PHACTR1: variants seen among roughly 807,000 people sequenced by gnomAD.
PHACTR1 encodes the protein RPEL repeat containing 1.
In PHACTR1, 16 loss-of-function variants were observed where a neutral mutation model predicts 69.2. The observed-to-expected ratio is 0.23, with a 90% CI of 0.16 to 0.35. PHACTR1 has a LOEUF of 0.35. Among genes scored for constraint, PHACTR1 ranks in the 10% least tolerant of loss-of-function variants. PHACTR1 has a pLI of 1.00. For synonymous variants in PHACTR1, 312 were observed against 284.5 expected (o/e 1.10, Z -0.97); for missense variants, 510 against 734.7 (o/e 0.69, Z 3.54).
chr6:13,184,247 C>G (rs1175283275), intron 7 of PHACTR1, among the ~76,000 whole-genome samples: 1 of 152,184 alleles, frequency 6.6e-6, no homozygotes, highest in Admixed American at 6.5e-5. Context: ...AGGCTGTCAT[C>G]TGTACCCAGT....
chr6:12,756,506 T>C (rs1289799221), intron 4 of PHACTR1, among the ~76,000 whole-genome samples: 1 of 152,220 alleles, frequency 6.6e-6, no homozygotes, highest in African/African-American at 2.4e-5. Context: ...ATGGCCTTGT[T>C]GAATGATGAC....
At chr6:13,036,377 A>G (rs1277321697) in intron 4 of PHACTR1, among the ~76,000 whole-genome samples, 2 of 152,224 alleles carry the variant, frequency 1.3e-5, no homozygotes, top group African/African-American at 4.8e-5. Context: ...AGAGCTGTTT[A>G]TAATTTTTAA....
chr6:13,177,436 T>TAC (rs1315813671), intron 6 of PHACTR1, among the ~76,000 whole-genome samples: 2 of 5,326 alleles, frequency 3.8e-4, no homozygotes, highest in African/African-American at 9.8e-4. Flanking sequence ...TATGTATGTG[T>TAC]ATATATGTGT....
At chr6:12,906,821 G>A (rs555292107) in intron 4 of PHACTR1, among the ~76,000 whole-genome samples, 5 of 152,188 alleles carry the variant, frequency 3.3e-5, no homozygotes, top group South Asian at 4.1e-4. Flanking sequence ...GTTGGGTCAC[G>A]TGTCCACTCT....
intron 12 of PHACTR1, chr6:13,280,830 A>G: frequency 1.7e-6 from 1 of 582,614 alleles, no homozygotes; most frequent in Non-Finnish European, 2.7e-6. Context: ...TGCAGCATTC[A>G]AGGAAGGACT....
chr6:13,217,042 A>C (rs1044857611), intron 8 of PHACTR1, among the ~76,000 whole-genome samples: 1 of 152,298 alleles, frequency 6.6e-6, no homozygotes, highest in South Asian at 2.1e-4. Flanking sequence ...CTTCTTGGAA[A>C]CCATCGTCCA....
intron 5 of PHACTR1, among the ~76,000 whole-genome samples, chr6:13,140,728 A>T (rs1822305921): frequency 6.6e-6 from 1 of 152,242 alleles, no homozygotes; most frequent in South Asian, 2.1e-4. Context: ...ATGTGAATCT[A>T]TTTAACACTG....
Position 13,139,623 on chromosome 6 carries a change from A to G in PHACTR1, c.416-20581A>G, listed in dbSNP as rs868143311. Among the ~76,000 whole-genome samples the G allele has an allele frequency of 2.0e-5, 3 of 152,326 alleles. No homozygotes were observed. In the South Asian group the frequency reaches 6.2e-4, roughly 32 times the overall value. On this transcript the variant is annotated intron_variant, in intron 5 of 14. Transcript: ENST00000332995. The stretch of plus-strand genomic sequence containing the variant: ...AAAGACAGAGGTCAAGTCAAGTTAC[A>G]TACCAAGCTAAGCTAAGCAGGTTTC...
intron 4 of PHACTR1, among the ~76,000 whole-genome samples, chr6:12,861,536 C>T (rs1323377113): frequency 6.6e-6 from 1 of 152,208 alleles, no homozygotes; most frequent in Non-Finnish European, 1.5e-5. Context: ...GACTTCCCAT[C>T]ACTGTATTGC....
At chr6:12,999,785 C>T (rs752350948) in intron 4 of PHACTR1, among the ~76,000 whole-genome samples, 3 of 152,070 alleles carry the variant, frequency 2.0e-5, no homozygotes, top group African/African-American at 7.2e-5. Context: ...GGGTAGTAGT[C>T]GCCTCCAGGA....
intron 2 of PHACTR1, 187 bp from the exon 3 acceptor site, chr6:12,718,512 G>A: frequency 3.5e-6 from 1 of 284,822 alleles, no homozygotes; most frequent in Non-Finnish European, 6.5e-6. Flanking sequence ...ATGAATGTTG[G>A]CTAAATGCGG....
intron 4 of PHACTR1, among the ~76,000 whole-genome samples, chr6:12,796,863 A>T (rs1480087109): frequency 6.6e-6 from 1 of 152,220 alleles, no homozygotes; most frequent in Non-Finnish European, 1.5e-5. Context: ...GTGTGCTGAC[A>T]CTGAAGAGCA....
intron 8 of PHACTR1, among the ~76,000 whole-genome samples, chr6:13,223,124 A>C: frequency 6.6e-6 from 1 of 152,232 alleles, no homozygotes; most frequent in East Asian, 1.9e-4. Context: ...GGATGAGGTT[A>C]CAATAGTGTT....
chr6:12,887,184 C>A (rs1783725678), intron 4 of PHACTR1, among the ~76,000 whole-genome samples: 1 of 152,220 alleles, frequency 6.6e-6, no homozygotes, highest in African/African-American at 2.4e-5. Context: ...AGAATCAAGG[C>A]CCCTTCCTGT....
chr6:13,106,620 G>A (rs928673829), intron 5 of PHACTR1, among the ~76,000 whole-genome samples: 3 of 152,254 alleles, frequency 2.0e-5, no homozygotes, highest in Middle Eastern at 6.8e-3. Flanking sequence ...TGGGACTACA[G>A]GCATGTACCA....
chr6:13,181,777 A>C (rs900221931), intron 6 of PHACTR1, among the ~76,000 whole-genome samples: 9 of 152,202 alleles, frequency 5.9e-5, no homozygotes, highest in African/African-American at 2.2e-4. Flanking sequence ...GGCAAACAGA[A>C]GACAGGACCT....
At chr6:12,891,613 C>T (rs1784177742) in intron 4 of PHACTR1, among the ~76,000 whole-genome samples, 1 of 152,170 alleles carries the variant, frequency 6.6e-6, no homozygotes, top group Admixed American at 6.5e-5. Context: ...TTATGATCCC[C>T]CTCCTCCTCT....
chr6:12,987,989 C>T (rs1796386699), intron 4 of PHACTR1, among the ~76,000 whole-genome samples: 1 of 152,146 alleles, frequency 6.6e-6, no homozygotes, highest in African/African-American at 2.4e-5. Context: ...TGCTGGGGCC[C>T]CTTGGCAGCC....
intron 7 of PHACTR1, among the ~76,000 whole-genome samples, chr6:13,184,634 G>A (rs1316775852): frequency 6.6e-6 from 1 of 152,122 alleles, no homozygotes; most frequent in Non-Finnish European, 1.5e-5. Context: ...CTGCTTCACT[G>A]GATTTCTGGC....
Sources: gnomAD v4.1 joint callset for allele counts (sites outside exome capture counted in the v4.1 genomes callset) on GRCh38, gnomAD v4.1.1 for gene constraint, MANE v1.5 for transcripts, NCBI Gene and HGNC (gene_info 2026-07-23, HGNC 2026-07-21) for gene names.